ABCC5: variants seen among roughly 807,000 people sequenced by gnomAD.
ABCC5 encodes the protein ATP binding cassette subfamily C member 5, also known as ATP-binding cassette sub-family C member 5.
Under a neutral mutation model 160.9 loss-of-function variants are expected in ABCC5, and 61 were observed. The observed-to-expected ratio is 0.38, with a 90% CI of 0.31 to 0.47. ABCC5 has a LOEUF of 0.47. Among genes scored for constraint, ABCC5 ranks in the 20% least tolerant of loss-of-function variants. The probability of loss-of-function intolerance (pLI) is 0.99; values close to 1 mark genes in which losing one functional copy is unlikely to be tolerated. For synonymous variants in ABCC5, 666 were observed against 700.6 expected (o/e 0.95, Z 0.78); for missense variants, 1,308 against 1,813.3 (o/e 0.72, Z 5.06).
intron 2 of ABCC5, among the ~76,000 whole-genome samples, chr3:183,997,983 C>T (rs188817645): frequency 6.6e-6 from 1 of 152,212 alleles, no homozygotes; most frequent in Non-Finnish European, 1.5e-5. Flanking sequence ...CGGGTTCTTA[C>T]TATGTTGCCA....
intron 26 of ABCC5, among the ~76,000 whole-genome samples, chr3:183,934,183 G>A (rs1301413943): frequency 6.6e-6 from 1 of 152,182 alleles, no homozygotes. Context: ...GCCCATGCCT[G>A]TGGTCCCAGC....
At chr3:183,969,479 G>A (rs1407203961) in intron 11 of ABCC5, among the ~76,000 whole-genome samples, 1 of 152,190 alleles carries the variant, frequency 6.6e-6, no homozygotes, top group African/African-American at 2.4e-5. Flanking sequence ...ACCACCTGAG[G>A]TGAGGAGTTC....
In ABCC5 at chr3:183,944,697, C is replaced by T. The variant is rs1053278163; in HGVS notation, c.3504+1153G>A. 8.5e-5 allele frequency among the ~76,000 whole-genome samples: 13 copies of T among 152,144 alleles called. No homozygotes were observed. The South Asian group carries it at 2.5e-3, about 29-fold the overall frequency. ...CTTTGAATGTGGCCCAACACAAATT[C>T]GTCAACTTTCTTAACATATTATGAG... On this transcript the variant is annotated intron_variant, in intron 24 of 29. Coordinates refer to ENST00000334444, the MANE Select transcript of ABCC5 (RefSeq NM_005688.4).
chr3:183,982,494 C>G lies in ABCC5; in HGVS notation c.956G>C (p.Gly319Ala). 1 of 1,614,134 alleles carries G rather than the reference C, an allele frequency of 6.2e-7. No individual in the cohort carries two copies. The highest frequency in any genetic ancestry group is 8.5e-7 in the Non-Finnish European group (1 of 1,180,024). Reference protein sequence around the residue: ...IYNVIILGPTGFLGSAVFILF... With the variant: ...IYNVIILGPTAFLGSAVFILF... ...GATAAAAACAGCTGATCCCAGGAAG[C>G]CTGTTGGTCCCAGAATAATTACATT... The change falls in exon 7 of 30, where the codon GGC becomes GCC. Residue 319 changes from glycine (G) to alanine (A), a missense_variant. This residue lies in a region of ABCC5 where 1,142 missense variants were observed against 1,527.1 expected (regional missense o/e 0.75). Coordinates refer to ENST00000334444, the MANE Select transcript of ABCC5 (RefSeq NM_005688.4). The surrounding 1 kb of genome is among the most constrained non-coding windows in gnomAD (Gnocchi z 5.2).
At chr3:183,966,067 G>A (rs1420392833) in intron 12 of ABCC5, among the ~76,000 whole-genome samples, 3 of 152,188 alleles carry the variant, frequency 2.0e-5, no homozygotes, top group African/African-American at 7.2e-5. Context: ...TTTGTGTTCA[G>A]TTGCAATGGT....
intron 2 of ABCC5, among the ~76,000 whole-genome samples, chr3:184,012,287 A>G (rs2108930482): frequency 6.6e-6 from 1 of 152,256 alleles, no homozygotes; most frequent in Admixed American, 6.5e-5. Flanking sequence ...CCTAATGCCC[A>G]CAGTGAAATA....
chr3:183,937,650 T>C (rs1387604621), intron 26 of ABCC5, among the ~76,000 whole-genome samples: 8 of 152,260 alleles, frequency 5.3e-5, no homozygotes, highest in Admixed American at 5.2e-4. Context: ...AGCAGAGCCC[T>C]GGGCCCAGAC....
chr3:183,980,985 T>A (rs1479663683), intron 8 of ABCC5, among the ~76,000 whole-genome samples: 2 of 152,156 alleles, frequency 1.3e-5, no homozygotes, highest in Non-Finnish European at 2.9e-5. Context: ...ACTGCTGGGA[T>A]TACAGGCGTG....
chr3:183,994,203 C>T (rs1407052351), intron 2 of ABCC5, among the ~76,000 whole-genome samples: 4 of 151,314 alleles, frequency 2.6e-5, no homozygotes, highest in African/African-American at 9.7e-5. Flanking sequence ...GGAGATCTCA[C>T]TTCTTGTTTA....
rs1296166984 is a variant in ABCC5, at chr3:183,965,470, C to A, written c.1865G>T (p.Ser622Ile). ...MTLLEGSIAI[S>I]GTFAYVAQQA... The stretch of plus-strand genomic sequence containing the variant: ...CTGGGCCACATAAGCGAAGGTTCCA[C>A]TGATTGCAATGCTGCCCTCTAGAAG... The change falls in exon 13 of 30, where the codon AGT becomes ATT. Residue 622 changes from serine (S) to isoleucine (I), a missense_variant. Ser to Ile is a moderately radical substitution (Grantham distance 142). Coordinates refer to ENST00000334444, the MANE Select transcript of ABCC5 (RefSeq NM_005688.4). The A allele has an allele frequency of 6.2e-7, 1 of 1,613,786 alleles. No homozygotes were observed. Among genetic ancestry groups the A allele is most frequent in the Admixed American group, 1.7e-5 (1 of 60,022 alleles).
chr3:183,922,505 A>G (rs1712103879), intron 29 of ABCC5, among the ~76,000 whole-genome samples: 3 of 152,232 alleles, frequency 2.0e-5, no homozygotes, highest in Non-Finnish European at 4.4e-5. Flanking sequence ...ATAGAGGGAA[A>G]TGGAAGAGCT....
At chr3:184,013,240 G>A (rs1017459857) in intron 2 of ABCC5, among the ~76,000 whole-genome samples, 4 of 152,062 alleles carry the variant, frequency 2.6e-5, no homozygotes, top group Non-Finnish European at 4.4e-5. Context: ...TCTCTCCAAA[G>A]GATTCACATT....
chr3:183,951,877 G>A lies in ABCC5; in HGVS notation c.2794C>T (p.Arg932Ter), dbSNP rs1479942268. The A allele has an allele frequency of 1.2e-6, 2 of 1,613,738 alleles. No homozygotes were observed. The highest frequency in any genetic ancestry group is 2.2e-5 in the East Asian group (1 of 44,864). ...CATACCTTGACAAAGACAACTCCTCGAATGGCTTTCAGGATCAGCATGACT... is the reference window on the plus strand; with the variant it reads ...CATACCTTGACAAAGACAACTCCTCAAATGGCTTTCAGGATCAGCATGACT... Reference protein sequence around the residue: ...MAVMLILKAIRGVVFVKGTLR... With the variant: ...MAVMLILKAI Residue 932 changes from arginine (R) to a stop codon, truncating the protein, a stop_gained, in exon 19 of 30, where the codon CGA becomes TGA. Coordinates refer to ENST00000334444, the MANE Select transcript of ABCC5 (RefSeq NM_005688.4). LOFTEE classifies it high-confidence loss of function. The surrounding 1 kb of genome is among the most constrained non-coding windows in gnomAD (Gnocchi z 4.7).
intron 18 of ABCC5, 26 bp from the exon 19 acceptor site, chr3:183,952,029 G>T: frequency 6.3e-7 from 1 of 1,596,738 alleles, no homozygotes. Flanking sequence ...GTTCTATGAG[G>T]CCAGACTCCT....
At chr3:183,983,408 T>C (rs1224902621) in intron 5 of ABCC5, 1 of 223,222 alleles carries the variant, frequency 4.5e-6, no homozygotes, top group Admixed American at 5.1e-5. Context: ...AACGTGCTTA[T>C]TTGATAAAAA....
chr3:183,939,175 G>A (rs970280233), intron 25 of ABCC5, among the ~76,000 whole-genome samples: 6 of 152,230 alleles, frequency 3.9e-5, no homozygotes, highest in Non-Finnish European at 7.3e-5. Flanking sequence ...GCTCATGCCT[G>A]TAATCCCAGC....
intron 8 of ABCC5, among the ~76,000 whole-genome samples, chr3:183,979,767 G>A (rs995558223): frequency 1.3e-5 from 2 of 152,088 alleles, no homozygotes; most frequent in African/African-American, 4.8e-5. Flanking sequence ...TTTGTAGAGA[G>A]GAGGTCTCAG....
intron 2 of ABCC5, among the ~76,000 whole-genome samples, chr3:184,009,456 A>G (rs28695172): frequency 0.01 from 1,567 of 152,348 alleles, 31 homozygotes; most frequent in African/African-American, 0.035. Flanking sequence ...ATATGCTTAT[A>G]CAGGAATTCT....
At chr3:183,927,014 C>T (rs947842733) in intron 28 of ABCC5, among the ~76,000 whole-genome samples, 1 of 151,614 alleles carries the variant, frequency 6.6e-6, no homozygotes, top group Non-Finnish European at 1.5e-5. Flanking sequence ...CACTACACTC[C>T]AGCCTGGAGA....
Sources: gnomAD v4.1 joint callset for allele counts (sites outside exome capture counted in the v4.1 genomes callset) on GRCh38, gnomAD v4.1.1 for gene constraint, gnomAD v4.1.1 regional missense constraint, Gnocchi (gnomAD v3.1) non-coding constraint, MANE v1.5 for transcripts, NCBI Gene and HGNC (gene_info 2026-07-23, HGNC 2026-07-21) for gene names.